Variants in EDIL3 observed in about 807,000 individuals in gnomAD.
EDIL3 encodes EGF like and discoidin domains 3.
Under a neutral mutation model 67.4 loss-of-function variants are expected in EDIL3, and 37 were observed. The ratio of observed to expected loss-of-function variants is 0.55; its 90% CI spans 0.42 to 0.72. The LOEUF (loss-of-function observed/expected upper bound fraction) is 0.72. EDIL3 is among the 30% of genes least tolerant of loss of function. The pLI is 0.00. For missense variants in EDIL3, 527 were observed against 586.3 expected, an observed-to-expected ratio of 0.90 and a Z score of 1.04; for synonymous variants, 195 against 196.3, an observed-to-expected ratio of 0.99 and a Z score of 0.05.
At chr5:83,949,695 G>C (rs1744372641) in intron 10 of EDIL3, among the ~76,000 whole-genome samples, 1 of 151,772 alleles carries the variant, frequency 6.6e-6, no homozygotes, top group Admixed American at 6.6e-5. Flanking sequence ...TGTAAGCATA[G>C]CGTTTACAGA....
intron 6 of EDIL3, among the ~76,000 whole-genome samples, chr5:84,074,866 T>C (rs1746820521): frequency 6.6e-6 from 1 of 152,194 alleles, no homozygotes; most frequent in South Asian, 2.1e-4. Context: ...CCCAAAGGAC[T>C]ATAAATCATG....
chr5:84,149,984 G>A (rs1327626124), intron 4 of EDIL3, among the ~76,000 whole-genome samples: 1 of 152,074 alleles, frequency 6.6e-6, no homozygotes, highest in Non-Finnish European at 1.5e-5. Context: ...AAATAGATGT[G>A]ATTGGAGTCC....
chr5:84,091,703 G>A (rs1334507848), intron 6 of EDIL3, among the ~76,000 whole-genome samples: 2 of 152,126 alleles, frequency 1.3e-5, no homozygotes, highest in Non-Finnish European at 1.5e-5. Flanking sequence ...AAGAGACAAC[G>A]AAACCTTTAG....
At position 83,959,229 on chromosome 5, in the gene EDIL3, A is replaced by G. The variant is rs571233622; in HGVS notation, c.1293+3976T>C. 2.0e-5 allele frequency among the ~76,000 whole-genome samples: 3 copies of G among 147,382 alleles called. No homozygotes were observed. The East Asian group carries it at 5.9e-4, about 29-fold the overall frequency. On this transcript the variant is annotated intron_variant, in intron 10 of 10. Coordinates refer to ENST00000296591, the MANE Select transcript of EDIL3 (RefSeq NM_005711.5). ...TATATATACATTATATACATATAAT[A>G]TATATACGTATATATATATACGGCA...
At chr5:84,350,884 T>G (rs1747342562) in intron 1 of EDIL3, among the ~76,000 whole-genome samples, 1 of 152,196 alleles carries the variant, frequency 6.6e-6, no homozygotes, top group South Asian at 2.1e-4. Flanking sequence ...AAACATATAA[T>G]CAATATAATT....
At chr5:83,954,168 T>A (rs1207681270) in intron 10 of EDIL3, among the ~76,000 whole-genome samples, 3 of 150,832 alleles carry the variant, frequency 2.0e-5, no homozygotes, top group Non-Finnish European at 3.0e-5. Context: ...ATATGTATCA[T>A]GTAGAACTAA....
intron 9 of EDIL3, among the ~76,000 whole-genome samples, chr5:84,015,904 T>C (rs1469911650): frequency 6.6e-6 from 1 of 152,150 alleles, no homozygotes; most frequent in East Asian, 1.9e-4. Flanking sequence ...AAACTTTTAT[T>C]TCAGGTTCAG....
intron 6 of EDIL3, among the ~76,000 whole-genome samples, chr5:84,093,199 GT>G (rs1747198192): frequency 7.8e-6 from 1 of 128,258 alleles, no homozygotes; most frequent in Non-Finnish European, 1.7e-5. Flanking sequence ...TTTTTTTTTT[GT>G]TCAGTATTCC....
In EDIL3 at chr5:84,031,431, A is replaced by C. The variant is rs573778678; in HGVS notation, c.1137+28869T>G. 2.6e-5 allele frequency among the ~76,000 whole-genome samples: 4 copies of C among 152,364 alleles called. No individual in the cohort carries two copies. The East Asian group carries it at 7.7e-4, about 29-fold the overall frequency. On this transcript the variant is annotated intron_variant, in intron 9 of 10. Coordinates refer to ENST00000296591, the MANE Select transcript of EDIL3 (RefSeq NM_005711.5). ...TTGTATTTTCAGACAAATTTTGGATACATTTTTGTGGCTGTGACTTAGTTG... is the reference window on the plus strand; with the variant it reads ...TTGTATTTTCAGACAAATTTTGGATCCATTTTTGTGGCTGTGACTTAGTTG...
Position 84,280,535 on chromosome 5 carries a change from C to T in EDIL3, c.68-26323G>A, listed in dbSNP as rs564827408. On this transcript the variant is annotated intron_variant, in intron 1 of 10. Transcript: ENST00000296591. The stretch of plus-strand genomic sequence containing the variant: ...TTTTTAAAATCACGTTTTCATCCCA[C>T]GACTGTCGGCACTGCACTGTGGTTA... Among the ~76,000 whole-genome samples the T allele has an allele frequency of 3.3e-5, 5 of 152,246 alleles. No homozygotes were observed. In the South Asian group the frequency reaches 8.3e-4, roughly 25 times the overall value.
chr5:84,377,092 C>T (rs1747982437), intron 1 of EDIL3, among the ~76,000 whole-genome samples: 1 of 152,032 alleles, frequency 6.6e-6, no homozygotes, highest in African/African-American at 2.4e-5. Context: ...TTTGGGAGGC[C>T]AAGGCGGGTG....
At chr5:83,956,592 C>T (rs1181766203) in intron 10 of EDIL3, among the ~76,000 whole-genome samples, 1 of 151,718 alleles carries the variant, frequency 6.6e-6, no homozygotes, top group Non-Finnish European at 1.5e-5. Context: ...TTATTCTGTA[C>T]TTAGATATTT....
chr5:84,118,061 T>C (rs1274643322), intron 5 of EDIL3, among the ~76,000 whole-genome samples: 2 of 152,284 alleles, frequency 1.3e-5, no homozygotes, highest in East Asian at 1.9e-4. Context: ...ATTCTTTTAA[T>C]ATACAGGGAA....
At chr5:84,200,243 T>C (rs1337660616) in intron 3 of EDIL3, among the ~76,000 whole-genome samples, 1 of 152,102 alleles carries the variant, frequency 6.6e-6, no homozygotes, top group Non-Finnish European at 1.5e-5. Flanking sequence ...GTTGTGCACA[T>C]GTACCCTAAA....
At chr5:84,117,020 ATTTTTTTT>A (rs34997139) in intron 5 of EDIL3, among the ~76,000 whole-genome samples, 886 of 83,236 alleles carry the variant, frequency 0.011, 5 homozygotes, top group South Asian at 0.016. Flanking sequence ...TTAAGTACTT[ATTTTTTTT>A]TTTTTTTTTT....
intron 1 of EDIL3, among the ~76,000 whole-genome samples, chr5:84,295,726 G>A (rs2112124007): frequency 6.6e-6 from 1 of 152,110 alleles, no homozygotes; most frequent in Non-Finnish European, 1.5e-5. Flanking sequence ...GATATTAATT[G>A]CAATTGTTTA....
chr5:84,177,862 C>T (rs1748948466), intron 4 of EDIL3, among the ~76,000 whole-genome samples: 1 of 152,048 alleles, frequency 6.6e-6, no homozygotes. Flanking sequence ...GACCTATTAA[C>T]TATATATTTG....
At chr5:84,176,488 G>A (rs1401773136) in intron 4 of EDIL3, among the ~76,000 whole-genome samples, 1 of 151,130 alleles carries the variant, frequency 6.6e-6, no homozygotes, top group Non-Finnish European at 1.5e-5. Context: ...CTCTGGAGCT[G>A]TGCACAGGTA....
At chr5:84,227,846 C>A (rs1224279305) in intron 3 of EDIL3, among the ~76,000 whole-genome samples, 1 of 152,058 alleles carries the variant, frequency 6.6e-6, no homozygotes, top group Non-Finnish European at 1.5e-5. Flanking sequence ...TACACATTCT[C>A]ACTTACAAGT....
Sources: gnomAD v4.1 joint callset for allele counts (sites outside exome capture counted in the v4.1 genomes callset) on GRCh38, gnomAD v4.1.1 for gene constraint, MANE v1.5 for transcripts, NCBI Gene and HGNC (gene_info 2026-07-23, HGNC 2026-07-21) for gene names.